The following MESD variants were observed in gnomAD, a reference collection of about 807,000 sequenced individuals.
The protein encoded by MESD is mesoderm development LRP chaperone.
Under a neutral mutation model 12.9 loss-of-function variants are expected in MESD, and 7 were observed. The ratio of observed to expected loss-of-function variants is 0.54; its 90% confidence interval spans 0.31 to 1.02. MESD has a LOEUF of 1.02. MESD is among the 50% of genes least tolerant of loss of function. The pLI, the probability that MESD is intolerant of heterozygous loss-of-function variation, is 0.05. For synonymous variants in MESD, 126 were observed against 115.6 expected, an observed-to-expected ratio of 1.09 and a Z score of -0.58; for missense variants, 342 against 296.7, an observed-to-expected ratio of 1.15 and a Z score of -1.12.
intron 4 of MESD, chr15:80,951,427 G>T (rs1901821158): frequency 6.6e-6 from 1 of 152,520 alleles, no homozygotes; most frequent in Non-Finnish European, 1.5e-5. Context: ...ATTTCTGTTT[G>T]TAAGACTTAA....
chr15:80,961,964 T>A (rs1596226542), intron 3 of MESD, among the ~76,000 whole-genome samples: 1 of 152,332 alleles, frequency 6.6e-6, no homozygotes, highest in South Asian at 2.1e-4. Flanking sequence ...AGCATCATCA[T>A]AACAGGATCA....
At position 80,979,036 on chromosome 15, in the gene MESD, T is replaced by C; in HGVS notation, c.*183A>G. 1.4e-6 allele frequency: 1 copy of C among 717,554 alleles called. No individual in the cohort carries two copies. The highest frequency in any genetic ancestry group is 2.3e-6 in the Non-Finnish European group (1 of 442,102). 44.4% of individuals were successfully genotyped at this position (717,554 alleles called of 1,614,324 possible). A position where few individuals can be genotyped will look rare whatever the true frequency, so the allele number is the denominator to read the frequency against. ...AGTATTAATTAGAAAACATCTGTCT[T>C]CTTACTTGAAGCCTATTAAGCAGTA... On this transcript the variant is annotated 3_prime_UTR_variant, in exon 3 of 3. Coordinates refer to ENST00000261758, the MANE Select transcript of MESD (RefSeq NM_015154.3).
At chr15:80,952,233 T>TGGCAGACGAGA in exon 4 of MESD, 1 of 456,110 alleles carries the variant, frequency 2.2e-6, no homozygotes, top group Non-Finnish European at 4.4e-6. Flanking sequence ...CAAATCAAAC[T>TGGCAGACGAGA]GGCAGACGAG....
chr15:80,986,617 C>T (rs892834577), intron 1 of MESD, among the ~76,000 whole-genome samples: 8 of 152,158 alleles, frequency 5.3e-5, no homozygotes, highest in Non-Finnish European at 1.2e-4. Context: ...TCTGGGTAAC[C>T]TAACCTGTTA....
At chr15:80,947,975 G>A (rs1901634794) in exon 5 of MESD, 1 of 152,176 alleles carries the variant, frequency 6.6e-6, no homozygotes, top group Admixed American at 6.5e-5. Flanking sequence ...CCATCATATG[G>A]GGCAATGAGA....
chr15:80,981,831 G>T (rs1432676009), intron 2 of MESD, 119 bp downstream of exon 2: 15 of 762,672 alleles, frequency 2.0e-5, no homozygotes, highest in Non-Finnish European at 2.9e-5. Context: ...CTCCAGCCTA[G>T]GCAACAAGAG....
intron 3 of MESD, among the ~76,000 whole-genome samples, chr15:80,955,918 G>A (rs886929288): frequency 1.3e-5 from 2 of 152,094 alleles, no homozygotes; most frequent in Non-Finnish European, 2.9e-5. Context: ...CACTGCGCCC[G>A]GCTGAGAAGT....
At chr15:80,966,553 CAT>C (rs1298917328) in intron 3 of MESD, among the ~76,000 whole-genome samples, 5 of 152,078 alleles carry the variant, frequency 3.3e-5, no homozygotes, top group Non-Finnish European at 5.9e-5. Context: ...TTCACACACA[CAT>C]GTGCACACAC....
downstream of MESD, among the ~76,000 whole-genome samples, chr15:80,971,535 C>G (rs371711196): frequency 5.3e-4 from 80 of 152,356 alleles, no homozygotes; most frequent in South Asian, 0.016. Flanking sequence ...TCCCCTCACT[C>G]TGCTCCTCTG....
chr15:80,979,626 A>G lies in MESD; in HGVS notation c.447-149T>C, dbSNP rs542536468. The G allele has an allele frequency of 7.6e-5, 65 of 857,642 alleles. No homozygotes were observed. The East Asian group carries it at 1.7e-3, about 22-fold the overall frequency. 53.1% of individuals were successfully genotyped at this position (857,642 alleles called of 1,614,324 possible). On this transcript the variant is annotated intron_variant, in intron 2 of 2. Transcript: ENST00000261758. ...ATTTTCCAAAGCCTAGCAGCTACTG[A>G]TATCTCATGTATTAAAATACTAGCT... is the stretch of plus-strand genomic sequence containing the variant.
chr15:80,960,492 T>C (rs938156159), intron 3 of MESD, among the ~76,000 whole-genome samples: 6 of 152,184 alleles, frequency 3.9e-5, no homozygotes, highest in African/African-American at 1.2e-4. Context: ...TTACACTCCC[T>C]TGGAAAGAAA....
chr15:80,974,270 A>G (rs909345288), downstream of MESD, among the ~76,000 whole-genome samples: 3 of 152,194 alleles, frequency 2.0e-5, no homozygotes, highest in Non-Finnish European at 2.9e-5. Flanking sequence ...ACGGAGGGAA[A>G]AGAGCCAGCG....
chr15:80,964,347 A>G (rs1902139446), intron 3 of MESD, among the ~76,000 whole-genome samples: 1 of 152,202 alleles, frequency 6.6e-6, no homozygotes, highest in Non-Finnish European at 1.5e-5. Context: ...ATGGAAGAAC[A>G]TTCCATGCTC....
At chr15:80,987,972 T>A (rs557706369) in intron 1 of MESD, among the ~76,000 whole-genome samples, 1 of 152,262 alleles carries the variant, frequency 6.6e-6, no homozygotes, top group East Asian at 1.9e-4. Context: ...AAAAATAATT[T>A]AAAAAACAAA....
At position 80,986,277 on chromosome 15, in the gene MESD, T is replaced by TAGGG. The variant is rs1330939345; in HGVS notation, c.213+3298_213+3301dup. On this transcript the variant is annotated intron_variant, in intron 1 of 2. Coordinates refer to ENST00000261758, the MANE Select transcript of MESD (RefSeq NM_015154.3). Reference sequence around the variant, plus strand: ...TAGAGGCTGGGAAGTGGAGGGGAGATAGGGAGAGAGGATGGTGAATGGATA... The same window carrying TAGGG: ...TAGAGGCTGGGAAGTGGAGGGGAGATAGGGAGGGAGAGAGGATGGTGAATGGATA... Among the ~76,000 whole-genome samples the TAGGG allele has an allele frequency of 5.3e-5, 8 of 152,064 alleles. No individual in the cohort carries two copies. In the East Asian group the frequency reaches 1.6e-3, roughly 29 times the overall value.
intron 1 of MESD, among the ~76,000 whole-genome samples, chr15:80,983,702 A>G (rs1902647949): frequency 1.3e-5 from 2 of 152,282 alleles, no homozygotes; most frequent in South Asian, 4.1e-4. Context: ...ACAAAGTAGT[A>G]AAGTGCTCAA....
intron 3 of MESD, among the ~76,000 whole-genome samples, chr15:80,956,469 G>A (rs893728780): frequency 6.6e-6 from 1 of 152,094 alleles, no homozygotes; most frequent in East Asian, 1.9e-4. Flanking sequence ...AACAGTTCTC[G>A]GACACACAAA....
intron 3 of MESD, among the ~76,000 whole-genome samples, chr15:80,959,698 C>A (rs1307751187): frequency 6.6e-6 from 1 of 152,154 alleles, no homozygotes; most frequent in Non-Finnish European, 1.5e-5. Context: ...ATCCCCCCAC[C>A]TTTGTGCCCC....
At chr15:80,946,850 GGCCTCT>G, downstream of MESD, 1 of 735,100 alleles carries the variant, frequency 1.4e-6, no homozygotes, top group Non-Finnish European at 2.5e-6. Context: ...TCCCTGGACA[GGCCTCT>G]GGGCACTGCT....
Sources: gnomAD v4.1 joint callset for allele counts (sites outside exome capture counted in the v4.1 genomes callset) on GRCh38, gnomAD v4.1.1 for gene constraint, MANE v1.5 for transcripts, NCBI Gene and HGNC (gene_info 2026-07-23, HGNC 2026-07-21) for gene names.